Variants in DPYD observed in about 807,000 individuals in gnomAD.
DPYD encodes the protein dihydropyrimidine dehydrogenase, also known as dihydropyrimidine dehydrogenase [NADP(+)].
Under a neutral mutation model 116.2 loss-of-function variants are expected in DPYD, and 109 were observed. The observed-to-expected ratio is 0.94, with a 90% confidence interval of 0.80 to 1.10. The LOEUF is 1.10. Ranked by LOEUF, DPYD falls within the 50% of genes least tolerant of loss-of-function variation. The probability of loss-of-function intolerance (pLI) is 0.00; values close to 1 mark genes in which losing one functional copy is unlikely to be tolerated. For missense variants in DPYD, 1,302 were observed against 1,254.5 expected (o/e 1.04, Z -0.57); for synonymous variants, 440 against 432.0 (o/e 1.02, Z -0.23).
chr1:97,580,080 T>C (rs1653535968), intron 10 of DPYD, among the ~76,000 whole-genome samples: 1 of 152,212 alleles, frequency 6.6e-6, no homozygotes, highest in African/African-American at 2.4e-5. Flanking sequence ...TAATTTTCTA[T>C]AATTAAAAGC....
intron 2 of DPYD, among the ~76,000 whole-genome samples, chr1:97,839,409 T>C (rs1669933841): frequency 6.6e-6 from 1 of 152,164 alleles, no homozygotes; most frequent in Non-Finnish European, 1.5e-5. Context: ...CAACACGTTT[T>C]ATGTTGCAGC....
chr1:97,391,486 A>C (rs900236958), intron 14 of DPYD, among the ~76,000 whole-genome samples: 14 of 151,948 alleles, frequency 9.2e-5, no homozygotes, highest in African/African-American at 3.4e-4. Context: ...AAAAAATAAT[A>C]ATAATTCCAA....
chr1:97,468,586 G>C (rs549111254), intron 13 of DPYD, among the ~76,000 whole-genome samples: 3 of 152,310 alleles, frequency 2.0e-5, no homozygotes, highest in East Asian at 3.9e-4. Flanking sequence ...CTGTTGTTTA[G>C]AATCTAACCC....
chr1:97,319,066 G>C (rs183316187), intron 16 of DPYD, among the ~76,000 whole-genome samples: 11,844 of 37,902 alleles, frequency 0.31, 2,252 homozygotes, highest in Admixed American at 0.49. Context: ...AGAATCTCTG[G>C]GATGCATTCA....
intron 19 of DPYD, among the ~76,000 whole-genome samples, chr1:97,232,444 T>C (rs1661642353): frequency 6.6e-6 from 1 of 152,180 alleles, no homozygotes; most frequent in African/African-American, 2.4e-5. Context: ...TTTATGTCTT[T>C]TGCAAAAATT....
intron 14 of DPYD, among the ~76,000 whole-genome samples, chr1:97,415,873 A>G (rs989093326): frequency 6.6e-6 from 1 of 152,204 alleles, no homozygotes; most frequent in East Asian, 1.9e-4. Flanking sequence ...GTTAATTTCT[A>G]TGTGTTTGTC....
intron 12 of DPYD, among the ~76,000 whole-genome samples, chr1:97,527,165 A>G (rs935463874): frequency 4.7e-5 from 7 of 149,280 alleles, no homozygotes; most frequent in Admixed American, 4.0e-4. Flanking sequence ...TGCAAGATCT[A>G]CCTCCCGGGT....
chr1:97,706,028 G>A (rs1046750651), intron 5 of DPYD, among the ~76,000 whole-genome samples: 19 of 151,018 alleles, frequency 1.3e-4, no homozygotes, highest in Non-Finnish European at 2.5e-4. Flanking sequence ...CACAGTAATC[G>A]CTAAAAAATT....
chr1:97,583,426 G>C (rs930156340), intron 10 of DPYD, among the ~76,000 whole-genome samples: 2 of 151,902 alleles, frequency 1.3e-5, no homozygotes, highest in African/African-American at 4.8e-5. Flanking sequence ...CTTCATCTTA[G>C]GTTTTGATGG....
intron 18 of DPYD, among the ~76,000 whole-genome samples, chr1:97,272,048 T>C (rs907224328): frequency 6.6e-6 from 1 of 152,192 alleles, no homozygotes; most frequent in Non-Finnish European, 1.5e-5. Context: ...CAGCACATTT[T>C]TCTCTTTTAA....
At chr1:97,758,690 A>G (rs1665402010) in intron 3 of DPYD, among the ~76,000 whole-genome samples, 1 of 152,188 alleles carries the variant, frequency 6.6e-6, no homozygotes, top group Admixed American at 6.5e-5. Context: ...ATTTTGGAAT[A>G]AGTCCTTAAG....
intron 2 of DPYD, among the ~76,000 whole-genome samples, chr1:97,853,320 T>C (rs1245179988): frequency 3.3e-5 from 5 of 152,228 alleles, no homozygotes; most frequent in African/African-American, 9.6e-5. Flanking sequence ...GTTAGTTCAG[T>C]TATGCACAGT....
At chr1:97,850,753 G>A (rs556434655) in intron 2 of DPYD, among the ~76,000 whole-genome samples, 4 of 60,372 alleles carry the variant, frequency 6.6e-5, no homozygotes, top group South Asian at 9.6e-4. Flanking sequence ...TAATTTGATC[G>A]AGCAAATTGC....
chr1:97,183,598 C>A (rs972694875), intron 20 of DPYD, among the ~76,000 whole-genome samples: 3 of 152,068 alleles, frequency 2.0e-5, no homozygotes, highest in African/African-American at 7.2e-5. Flanking sequence ...TCTAGTTTGT[C>A]TGAATTCCAG....
At chr1:97,323,312 A>ATATACATATGTGTATATGTACACGTATG (rs1668437457) in intron 16 of DPYD, among the ~76,000 whole-genome samples, 5 of 131,318 alleles carry the variant, frequency 3.8e-5, no homozygotes, top group African/African-American at 9.2e-5. Context: ...GTACACGTAT[A>ATATACATATGTGTATATGTACACGTATG]TATACATATG....
intron 14 of DPYD, among the ~76,000 whole-genome samples, chr1:97,416,019 C>T (rs565964060): frequency 6.6e-6 from 1 of 151,972 alleles, no homozygotes; most frequent in Non-Finnish European, 1.5e-5. Flanking sequence ...TCAATAATAC[C>T]TGTCTTACAA....
intron 19 of DPYD, among the ~76,000 whole-genome samples, chr1:97,233,051 T>C (rs1324999049): frequency 1.3e-5 from 2 of 152,206 alleles, no homozygotes; most frequent in Admixed American, 6.5e-5. Flanking sequence ...TTCCTTGGTG[T>C]CAGTCTGGCA....
chr1:97,602,350 T>A (rs772129141), intron 8 of DPYD, among the ~76,000 whole-genome samples: 11 of 152,010 alleles, frequency 7.2e-5, no homozygotes, highest in Non-Finnish European at 1.3e-4. Flanking sequence ...CCTAACTTCA[T>A]GTTAGAACTT....
At chr1:97,134,017 ATATATAT>A (rs1557883348) in intron 20 of DPYD, among the ~76,000 whole-genome samples, 773 of 16,032 alleles carry the variant, frequency 0.048, 81 homozygotes, top group Non-Finnish European at 0.077. Context: ...AAAAAAAAAT[ATATATAT>A]ATATATATAT....
Sources: gnomAD v4.1 joint callset for allele counts (sites outside exome capture counted in the v4.1 genomes callset) on GRCh38, gnomAD v4.1.1 for gene constraint, MANE v1.5 for transcripts, NCBI Gene and HGNC (gene_info 2026-07-23, HGNC 2026-07-21) for gene names.